SHPRH: variants seen among roughly 807,000 people sequenced by gnomAD.
The protein encoded by SHPRH is E3 ubiquitin-protein ligase SHPRH.
Under a neutral mutation model 202.5 loss-of-function variants are expected in SHPRH, and 106 were observed. The observed-to-expected ratio is 0.52, with a 90% confidence interval of 0.45 to 0.62. The LOEUF (loss-of-function observed/expected upper bound fraction) is 0.62, where lower values mean the gene tolerates loss of function less well. Among genes scored for constraint, SHPRH ranks in the 20% least tolerant of loss-of-function variants. The pLI, the probability that SHPRH is intolerant of heterozygous loss-of-function variation, is 0.00. For missense variants in SHPRH, 1,710 were observed against 2,020.0 expected (o/e 0.85, Z 2.94); for synonymous variants, 729 against 686.0 (o/e 1.06, Z -0.98).
downstream of SHPRH, among the ~76,000 whole-genome samples, chr6:145,882,091 CAA>C (rs767137504): frequency 1.1e-4 from 12 of 106,766 alleles, no homozygotes; most frequent in Admixed American, 3.0e-4. Context: ...GACTGTGTCT[CAA>C]AAAAAAAAAA....
intron 2 of SHPRH, 97 bp downstream of exon 2, chr6:145,954,593 T>C (rs1268831915): frequency 7.8e-7 from 1 of 1,285,154 alleles, no homozygotes; most frequent in East Asian, 2.3e-5. Context: ...AATGAAAGGC[T>C]TATTGCTGGC....
chr6:145,947,378 T>C (rs2128791823), intron 6 of SHPRH, 115 bp downstream of exon 6: 1 of 1,181,152 alleles, frequency 8.5e-7, no homozygotes, highest in South Asian at 1.8e-5. Context: ...ATATAAATCA[T>C]TACCCACAGA....
At chr6:145,958,907 A>C (rs888843394) in intron 1 of SHPRH, among the ~76,000 whole-genome samples, 2 of 152,112 alleles carry the variant, frequency 1.3e-5, no homozygotes, top group African/African-American at 4.8e-5. Flanking sequence ...ATCTCTGCTC[A>C]CTGCAAGCTC....
chr6:145,885,451 G>A lies in SHPRH; in HGVS notation c.*1240C>T, dbSNP rs1189365510. On this transcript the variant is annotated 3_prime_UTR_variant, in exon 30 of 30. Transcript: ENST00000275233. ...TCGGACAAATGGGATCTAGGGAATG[G>A]TTCTATGAGTTTTCCAGGCAGCTAA... is the stretch of plus-strand genomic sequence containing the variant. 4 of 152,344 alleles carry A rather than the reference G, an allele frequency of 2.6e-5. No individual in the cohort carries two copies. The highest frequency in any genetic ancestry group is 5.9e-5 in the Non-Finnish European group (4 of 68,028). 9.4% of individuals were successfully genotyped at this position (152,344 alleles called of 1,614,324 possible).
At position 145,887,532 on chromosome 6, in the gene SHPRH, TG is replaced by T. The variant is rs377033384; in HGVS notation, c.4955+487del. ...ACACCACAATTAACCTTAACAAGTT[TG>T]TTTTTTTTTTTTTTTTTTTTGAGAC... On this transcript the variant is annotated intron_variant, in intron 29 of 29. Transcript: ENST00000275233. Among the ~76,000 whole-genome samples the T allele has an allele frequency of 6.7e-3, 972 of 144,844 alleles. 27 individuals are homozygous for T. The highest frequency in any genetic ancestry group is 8.7e-3 in the African/African-American group (342 of 39,486).
At chr6:145,933,767 A>G (rs1268790881) in intron 13 of SHPRH, among the ~76,000 whole-genome samples, 1 of 152,192 alleles carries the variant, frequency 6.6e-6, no homozygotes, top group South Asian at 2.1e-4. Flanking sequence ...ACAAAACTGA[A>G]TCCTCTTTCT....
chr6:145,946,441 G>T, intron 6 of SHPRH, 100 bp from the exon 7 acceptor site: 1 of 958,114 alleles, frequency 1.0e-6, no homozygotes, highest in Non-Finnish European at 1.5e-6. Flanking sequence ...ATGCAAAACA[G>T]TTCTAAAAAA....
rs1475426787 is a variant in SHPRH at position 145,884,909 on chromosome 6, G to A, written c.*1782C>T. 6.6e-6 allele frequency: 1 copy of A among 151,974 alleles called. No homozygotes were observed. The highest frequency in any genetic ancestry group is 1.5e-5 in the Non-Finnish European group (1 of 67,998). 9.4% of individuals were successfully genotyped at this position (151,974 alleles called of 1,614,324 possible). A position where few individuals can be genotyped will look rare whatever the true frequency, so the allele number is the denominator to read the frequency against. ...AGGTTTTTTTATATATATGTAATTT[G>A]ATTTTACAAAATTGAAGCATATCAA... On this transcript the variant is annotated 3_prime_UTR_variant, in exon 30 of 30. Coordinates refer to ENST00000275233, the MANE Select transcript of SHPRH (RefSeq NM_001042683.3).
intron 3 of SHPRH, 107 bp downstream of exon 3, chr6:145,952,242 T>C: frequency 2.0e-6 from 2 of 1,016,250 alleles, no homozygotes; most frequent in Non-Finnish European, 2.8e-6. Context: ...ATTTAATTTT[T>C]ATTATGGCTT....
rs142208044 is a variant in SHPRH, at chr6:145,932,541, G to A, written c.3112+516C>T. On this transcript the variant is annotated intron_variant, in intron 14 of 29. Coordinates refer to ENST00000275233, the MANE Select transcript of SHPRH (RefSeq NM_001042683.3). ...TGTGTGGGAGGGTGTGTGTGTACTTGTCACCCTCTGTAAGAATTTAAGGTC... is the reference window on the plus strand; with the variant it reads ...TGTGTGGGAGGGTGTGTGTGTACTTATCACCCTCTGTAAGAATTTAAGGTC... Among the ~76,000 whole-genome samples the A allele has an allele frequency of 1.8e-3, 273 of 152,036 alleles. 1 individual carries two copies. Among genetic ancestry groups the A allele is most frequent in the African/African-American group, 6.3e-3 (260 of 41,494 alleles).
chr6:145,918,089 T>G (rs779441389), intron 23 of SHPRH, 42 bp downstream of exon 23: 1 of 1,486,350 alleles, frequency 6.7e-7, no homozygotes, highest in Non-Finnish European at 9.2e-7. Flanking sequence ...TGGTTTATGA[T>G]AATGCAGCAT....
chr6:145,948,271 C>T lies in SHPRH; in HGVS notation c.1061+1G>A, dbSNP rs775241899. 1.3e-6 allele frequency: 2 copies of T among 1,566,758 alleles called. No individual in the cohort carries two copies. Among genetic ancestry groups the T allele is most frequent in the South Asian group, 1.3e-5 (1 of 79,536 alleles). ...AGCATATAAGTAAAATTTTGCCTTA[C>T]CAGCCTGTATATGGATTATAGTAGA... On this transcript the variant is annotated splice_donor_variant, in intron 5 of 29. Coordinates refer to ENST00000275233, the MANE Select transcript of SHPRH (RefSeq NM_001042683.3). LOFTEE classifies it high-confidence loss of function.
At chr6:145,948,412 TAA>T in intron 4 of SHPRH, 62 bp from the exon 5 acceptor site, 1 of 1,299,522 alleles carries the variant, frequency 7.7e-7, no homozygotes. Context: ...ATAATCACAT[TAA>T]AAAAAGAATA....
chr6:145,942,381 A>G (rs913782231), intron 9 of SHPRH, among the ~76,000 whole-genome samples: 3 of 152,228 alleles, frequency 2.0e-5, no homozygotes, highest in African/African-American at 7.2e-5. Flanking sequence ...TATCCCACAC[A>G]TAAGAAAAAT....
intron 9 of SHPRH, among the ~76,000 whole-genome samples, chr6:145,942,197 A>T (rs1178440553): frequency 6.6e-6 from 1 of 152,222 alleles, no homozygotes; most frequent in Admixed American, 6.5e-5. Flanking sequence ...AAAAGAGAAA[A>T]GGGCTATATG....
At chr6:145,948,778 G>T (rs1215560760) in intron 4 of SHPRH, among the ~76,000 whole-genome samples, 1 of 151,998 alleles carries the variant, frequency 6.6e-6, no homozygotes, top group Non-Finnish European at 1.5e-5. Flanking sequence ...ACCCGAATCA[G>T]ACCTGACCTC....
At chr6:145,944,728 G>T (rs1460464862) in intron 8 of SHPRH, among the ~76,000 whole-genome samples, 1 of 152,014 alleles carries the variant, frequency 6.6e-6, no homozygotes, top group Non-Finnish European at 1.5e-5. Context: ...CTTTATTTAT[G>T]ATTGCAAATA....
At chr6:145,896,050 C>T (rs1562293862) in intron 25 of SHPRH, among the ~76,000 whole-genome samples, 1 of 151,952 alleles carries the variant, frequency 6.6e-6, no homozygotes, top group Non-Finnish European at 1.5e-5. Flanking sequence ...CTCCCTCAAT[C>T]CTCTCAACAC....
In SHPRH at chr6:145,944,364, G is replaced by T. The variant is rs1410234844; in HGVS notation, c.1579-562C>A. ...AATATTTGGCCCCCGGTTTCAAAGG[G>T]GTCTACTGGAAAAGTGAGAACAGTA... is the stretch of plus-strand genomic sequence containing the variant. On this transcript the variant is annotated intron_variant, in intron 8 of 29. Transcript: ENST00000275233. Among the ~76,000 whole-genome samples, 4 of 152,040 alleles carry T rather than the reference G, an allele frequency of 2.6e-5. No individual in the cohort carries two copies. The East Asian group carries it at 7.7e-4, about 29-fold the overall frequency.
Sources: allele counts gnomAD v4.1 joint callset (sites outside exome capture counted in the v4.1 genomes callset), GRCh38; gene constraint gnomAD v4.1.1; transcripts MANE v1.5; gene names NCBI Gene and HGNC (gene_info 2026-07-23, HGNC 2026-07-21).